The following L3MBTL4 variants were observed in gnomAD, a reference collection of about 807,000 sequenced individuals.
The protein encoded by L3MBTL4 is lethal(3)malignant brain tumor-like protein 4.
L3MBTL4 carries 70 observed loss-of-function variants against 84.5 expected under a neutral mutation model. The observed-to-expected ratio is 0.83, with a 90% CI of 0.68 to 1.01. The LOEUF is 1.01. L3MBTL4 is among the 50% of genes least tolerant of loss of function. The pLI, the probability that L3MBTL4 is intolerant of heterozygous loss-of-function variation, is 0.00. For synonymous variants in L3MBTL4, 274 were observed against 259.8 expected, an observed-to-expected ratio of 1.05 and a Z score of -0.52; for missense variants, 715 against 754.8, an observed-to-expected ratio of 0.95 and a Z score of 0.62.
intron 14 of L3MBTL4, among the ~76,000 whole-genome samples, chr18:6,095,994 T>C (rs150088374): frequency 7.2e-4 from 109 of 152,352 alleles, no homozygotes; most frequent in African/African-American, 2.5e-3. Context: ...ATTAAGATAC[T>C]ATGACTCAGA....
intron 16 of L3MBTL4, among the ~76,000 whole-genome samples, chr18:6,016,669 T>G (rs765860270): frequency 1.3e-5 from 2 of 152,202 alleles, no homozygotes; most frequent in African/African-American, 4.8e-5. Context: ...ATTATACCAC[T>G]CTGCATGCTT....
chr18:6,054,730 ACTGTGGTATGGC>A (rs926124745), intron 16 of L3MBTL4, among the ~76,000 whole-genome samples: 24 of 152,160 alleles, frequency 1.6e-4, no homozygotes, highest in Non-Finnish European at 2.9e-4. Flanking sequence ...GCTCTTATTT[ACTGTGGTATGGC>A]CTGTGCCTAG....
intron 12 of L3MBTL4, among the ~76,000 whole-genome samples, chr18:6,179,947 G>A (rs1429866441): frequency 2.0e-5 from 3 of 152,092 alleles, no homozygotes; most frequent in South Asian, 2.1e-4. Context: ...CCTATATAGC[G>A]CCTCATTTAA....
intron 14 of L3MBTL4, among the ~76,000 whole-genome samples, chr18:6,097,221 C>T (rs1231641200): frequency 6.6e-6 from 1 of 152,044 alleles, no homozygotes. Flanking sequence ...AGTTGCCAGA[C>T]CATTGCAGAC....
intron 4 of L3MBTL4, among the ~76,000 whole-genome samples, chr18:6,273,529 G>T (rs187284777): frequency 6.6e-6 from 1 of 151,616 alleles, no homozygotes; most frequent in South Asian, 2.1e-4. Flanking sequence ...CATTAAACTG[G>T]TGGTTCTACA....
At chr18:6,252,878 T>C (rs1162138979) in intron 5 of L3MBTL4, among the ~76,000 whole-genome samples, 1 of 152,234 alleles carries the variant, frequency 6.6e-6, no homozygotes, top group African/African-American at 2.4e-5. Flanking sequence ...CCATATGCCA[T>C]GTACAGTGTC....
chr18:6,267,627 T>G (rs1234652064), intron 4 of L3MBTL4, among the ~76,000 whole-genome samples: 2 of 152,262 alleles, frequency 1.3e-5, no homozygotes, highest in African/African-American at 4.8e-5. Context: ...ACAGCTGTGT[T>G]CTTTAAAAGA....
chr18:6,044,028 A>G (rs1473180013), intron 16 of L3MBTL4, among the ~76,000 whole-genome samples: 1 of 152,208 alleles, frequency 6.6e-6, no homozygotes, highest in East Asian at 1.9e-4. Flanking sequence ...TGAATGGCTG[A>G]GCAAAAGACT....
chr18:6,361,773 T>C (rs1172673872), intron 1 of L3MBTL4, among the ~76,000 whole-genome samples: 1 of 152,172 alleles, frequency 6.6e-6, no homozygotes, highest in Non-Finnish European at 1.5e-5. Context: ...ACGTCGTCTC[T>C]TTCCTTAGGC....
chr18:6,132,151 A>C (rs1174670693), intron 14 of L3MBTL4, among the ~76,000 whole-genome samples: 1 of 152,210 alleles, frequency 6.6e-6, no homozygotes, highest in African/African-American at 2.4e-5. Flanking sequence ...TCCTTGTATT[A>C]AGACAAAATA....
chr18:6,300,775 T>G (rs1311310191), intron 4 of L3MBTL4, among the ~76,000 whole-genome samples: 1 of 152,098 alleles, frequency 6.6e-6, no homozygotes. Flanking sequence ...ACAACCTCTC[T>G]CTGAGAAGAA....
chr18:6,361,276 A>G (rs2053682783), intron 1 of L3MBTL4, among the ~76,000 whole-genome samples: 1 of 152,134 alleles, frequency 6.6e-6, no homozygotes, highest in African/African-American at 2.4e-5. Context: ...TTCTCACACT[A>G]AATTCAGTCC....
intron 1 of L3MBTL4, among the ~76,000 whole-genome samples, chr18:6,339,874 GA>G (rs1372870903): frequency 6.6e-6 from 1 of 151,904 alleles, no homozygotes; most frequent in Non-Finnish European, 1.5e-5. Flanking sequence ...ATCAAATCAA[GA>G]AAATGTTAAA....
intron 16 of L3MBTL4, among the ~76,000 whole-genome samples, chr18:5,974,187 TA>T (rs1176520406): frequency 6.6e-6 from 1 of 152,234 alleles, no homozygotes; most frequent in Admixed American, 6.5e-5. Context: ...TTATGGCCTT[TA>T]AAAAAATATA....
intron 1 of L3MBTL4, among the ~76,000 whole-genome samples, chr18:6,328,393 T>A (rs1005122447): frequency 6.6e-6 from 1 of 152,184 alleles, no homozygotes; most frequent in Non-Finnish European, 1.5e-5. Flanking sequence ...GGACAGACTA[T>A]ACTCATTACA....
At chr18:5,987,104 A>C (rs894752917) in intron 16 of L3MBTL4, among the ~76,000 whole-genome samples, 5 of 152,292 alleles carry the variant, frequency 3.3e-5, no homozygotes, top group Admixed American at 1.3e-4. Context: ...GCCTCAGGCG[A>C]CCAAGCCTAC....
intron 1 of L3MBTL4, among the ~76,000 whole-genome samples, chr18:6,315,826 C>T (rs2051064161): frequency 6.6e-6 from 1 of 152,158 alleles, no homozygotes; most frequent in South Asian, 2.1e-4. Flanking sequence ...GTCATGGCAG[C>T]CACCTACTCT....
intron 8 of L3MBTL4, among the ~76,000 whole-genome samples, chr18:6,241,027 G>A (rs1438056945): frequency 6.6e-6 from 1 of 152,166 alleles, no homozygotes; most frequent in Non-Finnish European, 1.5e-5. Flanking sequence ...GTATCTGCTG[G>A]TTTCAAAACA....
At chr18:6,397,142 C>G (rs1405699648) in intron 1 of L3MBTL4, 2 of 152,156 alleles carry the variant, frequency 1.3e-5, no homozygotes, top group Admixed American at 6.5e-5. Flanking sequence ...CCGCACTGAG[C>G]AGACAGAAGG....
Sources: allele counts gnomAD v4.1 joint callset (sites outside exome capture counted in the v4.1 genomes callset), GRCh38; gene constraint gnomAD v4.1.1; transcripts MANE v1.5; gene names NCBI Gene and HGNC (gene_info 2026-07-23, HGNC 2026-07-21).